Variants in GABRP observed in about 807,000 individuals in gnomAD.
GABRP encodes the protein gamma-aminobutyric acid receptor subunit pi.
Under a neutral mutation model 47.8 loss-of-function variants are expected in GABRP, and 52 were observed. The observed-to-expected ratio is 1.09, with a 90% confidence interval of 0.87 to 1.37. The LOEUF is 1.37. GABRP is among the 40% of genes most tolerant of loss of function. GABRP has a pLI of 0.00. For missense variants in GABRP, 525 were observed against 542.8 expected (o/e 0.97, Z 0.33); for synonymous variants, 221 against 205.8 (o/e 1.07, Z -0.63).
intron 6 of GABRP, among the ~76,000 whole-genome samples, chr5:170,801,620 C>G (rs1475744087): frequency 6.6e-6 from 1 of 152,144 alleles, no homozygotes; most frequent in African/African-American, 2.4e-5. Flanking sequence ...TATTGTCCCA[C>G]TAAAGTCTCC....
intron 1 of GABRP, among the ~76,000 whole-genome samples, chr5:170,785,185 C>T (rs1344384443): frequency 6.6e-6 from 1 of 152,206 alleles, no homozygotes; most frequent in South Asian, 2.1e-4. Flanking sequence ...GCGGATGCAA[C>T]ACTCCATCCC....
At chr5:170,785,853 G>A (rs900178079) in intron 1 of GABRP, among the ~76,000 whole-genome samples, 1 of 152,218 alleles carries the variant, frequency 6.6e-6, no homozygotes, top group Non-Finnish European at 1.5e-5. Context: ...GCATGTGGGA[G>A]AGAGGCCGTG....
At chr5:170,800,561 G>C (rs1482084791) in intron 6 of GABRP, among the ~76,000 whole-genome samples, 5 of 152,104 alleles carry the variant, frequency 3.3e-5, no homozygotes, top group African/African-American at 9.7e-5. Context: ...TCTTGGAGGA[G>C]GTAACAAAAT....
upstream of GABRP, among the ~76,000 whole-genome samples, chr5:170,783,312 C>T (rs1765051797): frequency 6.6e-6 from 1 of 152,284 alleles, no homozygotes; most frequent in East Asian, 1.9e-4. Context: ...AACAAGAAAT[C>T]GGAGTTTTAC....
chr5:170,790,339 C>G lies in GABRP; in HGVS notation c.172+1092C>G, dbSNP rs75865357. On this transcript the variant is annotated intron_variant, in intron 3 of 9. Transcript: ENST00000265294. ...CTGTAAAATGGGGACATCCATCTAT[C>G]TCACAGGGAAGACTGAATGAAGTGT... Among the ~76,000 whole-genome samples the G allele has an allele frequency of 1.4e-3, 206 of 152,270 alleles. 2 individuals carry two copies. The highest frequency in any genetic ancestry group is 4.8e-3 in the African/African-American group (198 of 41,546).
chr5:170,803,266 A>G (rs1009090674), intron 6 of GABRP, among the ~76,000 whole-genome samples: 7 of 152,184 alleles, frequency 4.6e-5, no homozygotes, highest in Non-Finnish European at 8.8e-5. Flanking sequence ...GACTTAACAA[A>G]ATGTTAGTTC....
intron 1 of GABRP, among the ~76,000 whole-genome samples, chr5:170,786,236 A>T (rs770289384): frequency 3.3e-5 from 5 of 152,186 alleles, no homozygotes; most frequent in Non-Finnish European, 5.9e-5. Flanking sequence ...TTGGACAGGG[A>T]AAGGACAGGG....
At chr5:170,798,830 G>A (rs765204896) in intron 6 of GABRP, among the ~76,000 whole-genome samples, 36 of 151,550 alleles carry the variant, frequency 2.4e-4, no homozygotes, top group Non-Finnish European at 4.7e-4. Flanking sequence ...AAGTTCTAGG[G>A]TACATGTGCA....
intron 3 of GABRP, among the ~76,000 whole-genome samples, chr5:170,792,719 T>C (rs13181738): frequency 0.015 from 2,318 of 152,332 alleles, 44 homozygotes; most frequent in South Asian, 0.088. Flanking sequence ...TTCAATTGCA[T>C]TGGCTCTAAC....
At position 170,795,257 on chromosome 5, in the gene GABRP, T is replaced by TG; in HGVS notation, c.292dup (p.Val98GlyfsTer3). ...CGACAGCGCTGGATGGACCAGCGGC[T>TG]GGTGTTTGAAGGCAACAAGAGCTTC... On this transcript the variant is annotated frameshift_variant, in exon 5 of 10. Coordinates refer to ENST00000265294, the MANE Select transcript of GABRP (RefSeq NM_014211.3). LOFTEE classifies it high-confidence loss of function. The TG allele has an allele frequency of 6.2e-7, 1 of 1,613,542 alleles. No homozygotes were observed. The highest frequency in any genetic ancestry group is 8.5e-7 in the Non-Finnish European group (1 of 1,179,896).
chr5:170,789,213 A>T lies in GABRP; in HGVS notation c.138A>T (p.Ala46=). ...TGCCTGGCTTTGAGAACCTCACAGCAGGATATAACAAATTTCTCAGGCCCA... is the reference window on the plus strand; with the variant it reads ...TGCCTGGCTTTGAGAACCTCACAGCTGGATATAACAAATTTCTCAGGCCCA... ...LSLPGFENLT[A]GYNKFLRPNF... Residue 46 remains alanine, a synonymous_variant, in exon 3 of 10, where the codon GCA becomes GCT. Transcript: ENST00000265294. 6.2e-7 allele frequency: 1 copy of T among 1,614,046 alleles called. No individual in the cohort carries two copies. The highest frequency in any genetic ancestry group is 2.2e-5 in the East Asian group (1 of 44,874).
In GABRP at chr5:170,812,061, GACA is replaced by G; in HGVS notation, c.1129_1131del (p.Asn377del). 1 of 1,614,064 alleles carries G rather than the reference GACA, an allele frequency of 6.2e-7. No individual in the cohort carries two copies. The highest frequency in any genetic ancestry group is 8.5e-7 in the Non-Finnish European group (1 of 1,180,018). Reference sequence around the variant, plus strand: ...CTTTGCCAGCATTGAAATTTCCAGCGACAACGTTGACTACAGTGACTTGACAAT... The same window carrying G: ...CTTTGCCAGCATTGAAATTTCCAGCGACGTTGACTACAGTGACTTGACAAT... On this transcript the variant is annotated inframe_deletion, in exon 10 of 10. Transcript: ENST00000265294.
intron 3 of GABRP, among the ~76,000 whole-genome samples, chr5:170,792,394 T>C (rs958700137): frequency 2.0e-5 from 3 of 151,686 alleles, no homozygotes; most frequent in African/African-American, 4.9e-5. Context: ...GTGAGCCATA[T>C]TGCACCACTG....
At chr5:170,808,577 C>G in intron 7 of GABRP, 23 bp from the exon 8 acceptor site, 1 of 1,607,204 alleles carries the variant, frequency 6.2e-7, no homozygotes, top group East Asian at 2.2e-5. Flanking sequence ...ACACAATTTC[C>G]TATCTGTTGT....
At position 170,812,597 on chromosome 5, in the gene GABRP, C is replaced by A; in HGVS notation, c.*339C>A. 4.7e-6 allele frequency: 1 copy of A among 214,228 alleles called. No individual in the cohort carries two copies. The highest frequency in any genetic ancestry group is 9.9e-5 in the East Asian group (1 of 10,148). The allele number at this position is 214,228 out of a possible 1,614,324, so 13.3% of individuals were successfully genotyped here. A position where few individuals can be genotyped will look rare whatever the true frequency, so the allele number is the denominator to read the frequency against. On this transcript the variant is annotated 3_prime_UTR_variant, in exon 10 of 10. Coordinates refer to ENST00000265294, the MANE Select transcript of GABRP (RefSeq NM_014211.3). Reference sequence around the variant, plus strand: ...CTCATATAAAGAATGGGAAGGAGACCATTGGGTAACCCTCAAGTGTCAGAA... The same window carrying A: ...CTCATATAAAGAATGGGAAGGAGACAATTGGGTAACCCTCAAGTGTCAGAA...
At chr5:170,785,431 A>G (rs35950702) in intron 1 of GABRP, among the ~76,000 whole-genome samples, 2,312 of 152,346 alleles carry the variant, frequency 0.015, 44 homozygotes, top group South Asian at 0.088. Flanking sequence ...ATTAAGCACC[A>G]GACATGGCTT....
chr5:170,786,042 G>A (rs2127247414), intron 1 of GABRP, among the ~76,000 whole-genome samples: 1 of 152,302 alleles, frequency 6.6e-6, no homozygotes, highest in East Asian at 1.9e-4. Flanking sequence ...GCTCCTATTA[G>A]AGGATGCTGT....
chr5:170,794,440 A>T (rs1029616002), intron 4 of GABRP, 142 bp downstream of exon 4: 7 of 466,334 alleles, frequency 1.5e-5, no homozygotes, highest in Non-Finnish European at 2.6e-5. Flanking sequence ...CAGAAGCTGG[A>T]GTGCTATCTC....
intron 6 of GABRP, among the ~76,000 whole-genome samples, chr5:170,800,779 C>T (rs1765570436): frequency 6.6e-6 from 1 of 152,138 alleles, no homozygotes; most frequent in South Asian, 2.1e-4. Flanking sequence ...AACCCCATCT[C>T]TACTAAAAAT....
Sources: allele counts gnomAD v4.1 joint callset (sites outside exome capture counted in the v4.1 genomes callset), GRCh38; gene constraint gnomAD v4.1.1; transcripts MANE v1.5; gene names NCBI Gene and HGNC (gene_info 2026-07-23, HGNC 2026-07-21).